PTPRN2: variants seen among roughly 807,000 people sequenced by gnomAD.
PTPRN2 encodes the protein receptor-type tyrosine-protein phosphatase N2.
PTPRN2 carries 74 observed loss-of-function variants against 118.8 expected under a neutral mutation model. The observed-to-expected ratio is 0.62, with a 90% CI of 0.52 to 0.76. The LOEUF (loss-of-function observed/expected upper bound fraction) is 0.76. PTPRN2 is among the 30% of genes least tolerant of loss of function. PTPRN2 has a pLI of 0.00. For missense variants in PTPRN2, 1,481 were observed against 1,394.4 expected (o/e 1.06, Z -0.99); for synonymous variants, 641 against 608.0 (o/e 1.05, Z -0.80).
At chr7:158,050,883 G>A (rs1488758407) in intron 11 of PTPRN2, among the ~76,000 whole-genome samples, 1 of 152,234 alleles carries the variant, frequency 6.6e-6, no homozygotes, top group Non-Finnish European at 1.5e-5. Context: ...GGTTCTGGCT[G>A]CACTCAGGGA....
intron 12 of PTPRN2, among the ~76,000 whole-genome samples, chr7:157,758,517 C>G (rs1360348481): frequency 6.6e-6 from 1 of 152,244 alleles, no homozygotes; most frequent in South Asian, 2.1e-4. Context: ...GTGGACTTTG[C>G]ACAAGGTTTG....
At chr7:158,192,230 A>G in intron 5 of PTPRN2, 97 bp downstream of exon 5, 1 of 1,302,760 alleles carries the variant, frequency 7.7e-7, no homozygotes, top group East Asian at 3.1e-5. Flanking sequence ...AAACAGGCGC[A>G]AAGCCAAGAG....
intron 1 of PTPRN2, among the ~76,000 whole-genome samples, chr7:158,536,373 T>G (rs1283678001): frequency 6.6e-6 from 1 of 152,220 alleles, no homozygotes; most frequent in East Asian, 1.9e-4. Flanking sequence ...TTGTCTATTG[T>G]GCACCAGGCA....
chr7:158,241,878 T>C (rs1231598569), intron 3 of PTPRN2, among the ~76,000 whole-genome samples: 1 of 152,210 alleles, frequency 6.6e-6, no homozygotes, highest in African/African-American at 2.4e-5. Context: ...AAAGTGCATA[T>C]GGTCCTGGAG....
chr7:158,336,899 C>T (rs1805675131), intron 2 of PTPRN2, among the ~76,000 whole-genome samples: 2 of 104,604 alleles, frequency 1.9e-5, no homozygotes, highest in Non-Finnish European at 4.4e-5. Flanking sequence ...CCCACACTCT[C>T]ACCATAAGAT....
chr7:157,999,837 T>C (rs73169737), intron 11 of PTPRN2, among the ~76,000 whole-genome samples: 7,343 of 152,276 alleles, frequency 0.048, 241 homozygotes, highest in Admixed American at 0.082. Flanking sequence ...CTCAGATGTT[T>C]ACCTGATGAA....
intron 3 of PTPRN2, among the ~76,000 whole-genome samples, chr7:158,274,847 T>C (rs1310508221): frequency 6.6e-6 from 1 of 152,170 alleles, no homozygotes; most frequent in African/African-American, 2.4e-5. Flanking sequence ...GTCATTTTGT[T>C]TCTGAAGAAT....
chr7:158,041,659 G>T (rs1808482766), intron 11 of PTPRN2, among the ~76,000 whole-genome samples: 1 of 152,082 alleles, frequency 6.6e-6, no homozygotes, highest in South Asian at 2.1e-4. Context: ...CCAGAAAAAA[G>T]AGAGAGAAAA....
rs891606754 is a variant in PTPRN2 at position 158,262,901 on chromosome 7, CAA to C, written c.277+53916_277+53917del. ...CACACACATACATTCACACACACTG[CAA>C]ACATTCACACTGCACACACATTCAC... On this transcript the variant is annotated intron_variant, in intron 3 of 22. Coordinates refer to ENST00000389418, the MANE Select transcript of PTPRN2 (RefSeq NM_002847.5). Among the ~76,000 whole-genome samples the C allele has an allele frequency of 1.1e-3, 161 of 148,524 alleles. 1 individual carries two copies. Among genetic ancestry groups the C allele is most frequent in the African/African-American group, 3.8e-3 (155 of 40,554 alleles).
At chr7:158,586,983 A>T (rs973100195) in intron 1 of PTPRN2, among the ~76,000 whole-genome samples, 9 of 152,090 alleles carry the variant, frequency 5.9e-5, no homozygotes, top group Admixed American at 3.9e-4. Context: ...CAGGGGCGCG[A>T]GACCTGCTCC....
chr7:157,842,533 A>G (rs1020057417), intron 12 of PTPRN2, among the ~76,000 whole-genome samples: 52 of 149,618 alleles, frequency 3.5e-4, no homozygotes, highest in African/African-American at 1.2e-3. Context: ...TCCTGCCTCA[A>G]CCTCCTGAGT....
At chr7:158,465,397 A>C (rs1819320852) in intron 2 of PTPRN2, among the ~76,000 whole-genome samples, 1 of 152,176 alleles carries the variant, frequency 6.6e-6, no homozygotes, top group Non-Finnish European at 1.5e-5. Context: ...TCCTGTACAC[A>C]TCATTTATTT....
intron 11 of PTPRN2, among the ~76,000 whole-genome samples, chr7:158,010,740 T>C (rs4716529): frequency 6.6e-6 from 1 of 151,962 alleles, no homozygotes; most frequent in African/African-American, 2.4e-5. Context: ...GTCTATTTTT[T>C]AAAAAAGTAT....
chr7:157,996,592 T>C (rs1027944750), intron 11 of PTPRN2, among the ~76,000 whole-genome samples: 17 of 152,158 alleles, frequency 1.1e-4, no homozygotes, highest in Non-Finnish European at 2.4e-4. Flanking sequence ...CGGTCCCCCA[T>C]GCCTGTTGGA....
At chr7:158,333,332 A>G (rs1294608136) in intron 2 of PTPRN2, among the ~76,000 whole-genome samples, 1 of 140,942 alleles carries the variant, frequency 7.1e-6, no homozygotes, top group Non-Finnish European at 1.5e-5. Context: ...CCACACTGTC[A>G]CCATAAGAGG....
intron 14 of PTPRN2, among the ~76,000 whole-genome samples, chr7:157,631,649 G>A (rs1236974170): frequency 3.9e-5 from 6 of 152,054 alleles, no homozygotes; most frequent in Non-Finnish European, 7.4e-5. Flanking sequence ...TGGCTAACAC[G>A]GTGAAACCCC....
chr7:157,630,282 G>C (rs147091434), intron 14 of PTPRN2, among the ~76,000 whole-genome samples: 1 of 152,272 alleles, frequency 6.6e-6, no homozygotes, highest in East Asian at 1.9e-4. Flanking sequence ...TTTAAAATTA[G>C]AAATTCAAAG....
intron 1 of PTPRN2, among the ~76,000 whole-genome samples, chr7:158,519,803 G>A (rs564771552): frequency 5.0e-4 from 76 of 152,242 alleles, no homozygotes; most frequent in African/African-American, 1.7e-3. Context: ...AAGGGAAGAA[G>A]GGTTACCCAA....
intron 3 of PTPRN2, among the ~76,000 whole-genome samples, chr7:158,262,851 TAC>T (rs575688012): frequency 1.8e-3 from 226 of 124,786 alleles, no homozygotes; most frequent in Middle Eastern, 8.3e-3. Context: ...CACACATACA[TAC>T]ATTCACACAC....
Sources: gnomAD v4.1 joint callset for allele counts (sites outside exome capture counted in the v4.1 genomes callset) on GRCh38, gnomAD v4.1.1 for gene constraint, MANE v1.5 for transcripts, NCBI Gene and HGNC (gene_info 2026-07-23, HGNC 2026-07-21) for gene names.